The following CNTNAP2 variants were observed in gnomAD, a reference collection of about 807,000 sequenced individuals.
CNTNAP2 encodes contactin associated protein 2.
Under a neutral mutation model 155.2 loss-of-function variants are expected in CNTNAP2, and 98 were observed. The ratio of observed to expected loss-of-function variants is 0.63; its 90% CI spans 0.54 to 0.75. The LOEUF is 0.75. CNTNAP2 is among the 30% of genes least tolerant of loss of function. The pLI is 0.00. For missense variants in CNTNAP2, 1,727 were observed against 1,688.1 expected, an observed-to-expected ratio of 1.02 and a Z score of -0.40; for synonymous variants, 651 against 631.2, an observed-to-expected ratio of 1.03 and a Z score of -0.47.
intron 1 of CNTNAP2, among the ~76,000 whole-genome samples, chr7:146,490,878 C>T (rs1044236065): frequency 3.7e-4 from 56 of 152,072 alleles, no homozygotes; most frequent in Admixed American, 1.5e-3. Context: ...TGATAAATGG[C>T]GAAGCAGATA....
intron 9 of CNTNAP2, among the ~76,000 whole-genome samples, chr7:147,348,854 G>A (rs1795923038): frequency 6.6e-6 from 1 of 151,922 alleles, no homozygotes; most frequent in African/African-American, 2.4e-5. Flanking sequence ...AAGATGTATG[G>A]AACTGGAAGA....
At chr7:147,902,384 T>C (rs574920336) in intron 13 of CNTNAP2, among the ~76,000 whole-genome samples, 3 of 147,424 alleles carry the variant, frequency 2.0e-5, no homozygotes, top group African/African-American at 7.6e-5. Context: ...TTTTGAAGTA[T>C]AGAATTAAAA....
chr7:147,721,826 C>T (rs1796571611), intron 13 of CNTNAP2, among the ~76,000 whole-genome samples: 1 of 152,102 alleles, frequency 6.6e-6, no homozygotes, highest in Non-Finnish European at 1.5e-5. Context: ...GTTACCTACT[C>T]TCAACTGCTG....
intron 1 of CNTNAP2, among the ~76,000 whole-genome samples, chr7:146,730,439 A>G (rs1279425757): frequency 2.0e-5 from 3 of 152,192 alleles, no homozygotes; most frequent in African/African-American, 7.2e-5. Flanking sequence ...AAATGTCCAC[A>G]ATATAATTGA....
At chr7:146,958,374 G>A (rs1352523329) in intron 3 of CNTNAP2, among the ~76,000 whole-genome samples, 1 of 142,338 alleles carries the variant, frequency 7.0e-6, no homozygotes. Flanking sequence ...AAACTACGCT[G>A]ATGCTTTTTT....
At chr7:146,666,407 C>T (rs1383270546) in intron 1 of CNTNAP2, among the ~76,000 whole-genome samples, 5 of 152,090 alleles carry the variant, frequency 3.3e-5, no homozygotes, top group South Asian at 2.1e-4. Context: ...TCTTATTGGA[C>T]GCCTAAGTTG....
intron 1 of CNTNAP2, among the ~76,000 whole-genome samples, chr7:146,604,766 C>G (rs1339056565): frequency 2.1e-5 from 3 of 142,462 alleles, no homozygotes; most frequent in East Asian, 2.0e-4. Context: ...GAGTTCATGT[C>G]CTTTGTAGGG....
At chr7:147,256,181 G>A (rs1405233205) in intron 8 of CNTNAP2, among the ~76,000 whole-genome samples, 12 of 151,754 alleles carry the variant, frequency 7.9e-5, no homozygotes, top group Admixed American at 5.3e-4. Context: ...AGCAAAGATT[G>A]CACCTTATTT....
intron 21 of CNTNAP2, among the ~76,000 whole-genome samples, chr7:148,312,401 G>C (rs1345672533): frequency 6.6e-6 from 1 of 152,198 alleles, no homozygotes; most frequent in Non-Finnish European, 1.5e-5. Context: ...GAAGTAATGG[G>C]AGCTGTCTGT....
At chr7:146,822,551 T>A (rs1803308418) in intron 2 of CNTNAP2, among the ~76,000 whole-genome samples, 1 of 151,108 alleles carries the variant, frequency 6.6e-6, no homozygotes, top group African/African-American at 2.4e-5. Flanking sequence ...CGTTGTTTTG[T>A]TCCTACAGTG....
At chr7:146,337,835 A>G (rs556613832) in intron 1 of CNTNAP2, among the ~76,000 whole-genome samples, 3 of 152,300 alleles carry the variant, frequency 2.0e-5, no homozygotes, top group Admixed American at 1.3e-4. Context: ...TGTATCTTGC[A>G]TGTGTGCACA....
At chr7:146,793,143 C>T (rs1247625227) in intron 2 of CNTNAP2, among the ~76,000 whole-genome samples, 1 of 152,046 alleles carries the variant, frequency 6.6e-6, no homozygotes, top group Non-Finnish European at 1.5e-5. Flanking sequence ...GTGTATGTTA[C>T]ACTTATCTTG....
intron 4 of CNTNAP2, among the ~76,000 whole-genome samples, chr7:147,059,575 G>C (rs113560217): frequency 6.6e-6 from 1 of 151,960 alleles, no homozygotes; most frequent in Non-Finnish European, 1.5e-5. Flanking sequence ...TGGGTGGTTT[G>C]GTTAACTAAA....
At chr7:147,284,678 C>T (rs753337253) in intron 8 of CNTNAP2, among the ~76,000 whole-genome samples, 11 of 151,908 alleles carry the variant, frequency 7.2e-5, no homozygotes, top group Non-Finnish European at 1.5e-4. Context: ...TTACTTCACT[C>T]ACATAAATAC....
Position 147,421,585 on chromosome 7 carries a change from CTGTG to C in CNTNAP2, c.1670+25831_1670+25834del, listed in dbSNP as rs55983110. Among the ~76,000 whole-genome samples the C allele has an allele frequency of 2.2e-4, 32 of 143,598 alleles. 1 individual carries two copies. The highest frequency in any genetic ancestry group is 7.1e-4 in the Admixed American group (10 of 14,184). 94.2% of individuals were successfully genotyped at this position (143,598 alleles called of 152,430 possible). On this transcript the variant is annotated intron_variant, in intron 10 of 23. Coordinates refer to ENST00000361727, the MANE Select transcript of CNTNAP2 (RefSeq NM_014141.6). ...ATATGTCCTGGTATGTCTATCTAAT[CTGTG>C]TGTGTGTGTGTGTGTGTGTGTGTGT...
At chr7:146,333,091 G>A (rs1271882006) in intron 1 of CNTNAP2, among the ~76,000 whole-genome samples, 1 of 151,732 alleles carries the variant, frequency 6.6e-6, no homozygotes, top group Non-Finnish European at 1.5e-5. Flanking sequence ...TTATAGGCGT[G>A]TGCCACTACT....
At position 148,415,940 on chromosome 7, in the gene CNTNAP2, G is replaced by A. The variant is rs189773126; in HGVS notation, c.*324G>A. ...GTGTTTAGAGGTGTTCTAAAGACCCGTGGTAACAGGGCAAGTTTTCTACGT... is the reference window on the plus strand; with the variant it reads ...GTGTTTAGAGGTGTTCTAAAGACCCATGGTAACAGGGCAAGTTTTCTACGT... On this transcript the variant is annotated 3_prime_UTR_variant, in exon 24 of 24. Coordinates refer to ENST00000361727, the MANE Select transcript of CNTNAP2 (RefSeq NM_014141.6). 2 of 352,514 alleles carry A rather than the reference G, an allele frequency of 5.7e-6. No homozygotes were observed. Among genetic ancestry groups the A allele is most frequent in the South Asian group, 5.4e-5 (1 of 18,366 alleles). The allele number at this position is 352,514 out of a possible 1,614,324, so 21.8% of individuals were successfully genotyped here.
At chr7:146,694,438 T>A (rs770042363) in intron 1 of CNTNAP2, among the ~76,000 whole-genome samples, 9 of 152,190 alleles carry the variant, frequency 5.9e-5, no homozygotes, top group Non-Finnish European at 8.8e-5. Flanking sequence ...ATTTCTGGAC[T>A]GTCTATTCTG....
At chr7:147,496,991 G>T (rs545761831) in intron 11 of CNTNAP2, 1 of 152,028 alleles carries the variant, frequency 6.6e-6, no homozygotes, top group Non-Finnish European at 1.5e-5. Context: ...TATCTTTGAT[G>T]AATATGTCTA....
Sources: allele counts gnomAD v4.1 joint callset (sites outside exome capture counted in the v4.1 genomes callset), GRCh38; gene constraint gnomAD v4.1.1; transcripts MANE v1.5; gene names NCBI Gene and HGNC (gene_info 2026-07-23, HGNC 2026-07-21).